Variants in AGBL1 observed in about 807,000 individuals in gnomAD.
AGBL1 encodes AGBL carboxypeptidase 1, also known as cytosolic carboxypeptidase 4.
In AGBL1, 130 loss-of-function variants were observed where a neutral mutation model predicts 118.9. The observed-to-expected ratio is 1.09, with a 90% CI of 0.95 to 1.26. The LOEUF is 1.26. Ranked by LOEUF, AGBL1 falls within the 50% of genes most tolerant of loss-of-function variation. The pLI is 0.00. For synonymous variants in AGBL1, 555 were observed against 478.9 expected (o/e 1.16, Z -2.08); for missense variants, 1,584 against 1,298.1 (o/e 1.22, Z -3.38).
intron 22 of AGBL1, among the ~76,000 whole-genome samples, chr15:86,747,044 G>A (rs1279366990): frequency 2.0e-5 from 3 of 152,060 alleles, no homozygotes; most frequent in Middle Eastern, 6.8e-3. Flanking sequence ...AAGTGAATAG[G>A]GATGATACCA....
chr15:86,314,580 G>C (rs1411586315), intron 17 of AGBL1, among the ~76,000 whole-genome samples: 1 of 152,102 alleles, frequency 6.6e-6, no homozygotes, highest in African/African-American at 2.4e-5. Flanking sequence ...TAGGACCTGG[G>C]CTTAATTTTA....
chr15:86,949,963 A>G (rs975534352), intron 23 of AGBL1, among the ~76,000 whole-genome samples: 1 of 152,116 alleles, frequency 6.6e-6, no homozygotes, highest in African/African-American at 2.4e-5. Context: ...TTCTCTGATT[A>G]CAGTGGAATC....
intron 21 of AGBL1, among the ~76,000 whole-genome samples, chr15:86,597,092 T>A (rs1030979068): frequency 6.6e-6 from 1 of 152,054 alleles, no homozygotes; most frequent in Non-Finnish European, 1.5e-5. Context: ...CATATATCCA[T>A]GATAGATTGA....
At chr15:86,190,221 C>G (rs2077697588) in intron 5 of AGBL1, among the ~76,000 whole-genome samples, 1 of 151,800 alleles carries the variant, frequency 6.6e-6, no homozygotes, top group Non-Finnish European at 1.5e-5. Context: ...TCTTTAATAT[C>G]CAAGAGAATT....
intron 21 of AGBL1, among the ~76,000 whole-genome samples, chr15:86,591,522 T>C (rs1392036991): frequency 1.3e-5 from 2 of 152,182 alleles, no homozygotes; most frequent in African/African-American, 4.8e-5. Flanking sequence ...CTTGCTAAAT[T>C]GGCTCACAGA....
At chr15:86,493,798 A>T (rs1268929399) in intron 18 of AGBL1, among the ~76,000 whole-genome samples, 4 of 152,030 alleles carry the variant, frequency 2.6e-5, no homozygotes, top group African/African-American at 9.7e-5. Context: ...GTCTTCCACG[A>T]AAGAAAGCTT....
intron 21 of AGBL1, among the ~76,000 whole-genome samples, chr15:86,618,947 G>GA (rs2084767279): frequency 6.6e-6 from 1 of 152,050 alleles, no homozygotes. Context: ...TCAGAATGCA[G>GA]AAAAAATGTA....
At chr15:86,621,638 A>G (rs1287613145) in intron 21 of AGBL1, among the ~76,000 whole-genome samples, 4 of 152,216 alleles carry the variant, frequency 2.6e-5, no homozygotes, top group African/African-American at 9.6e-5. Flanking sequence ...ACATCTGAAA[A>G]GACCTTATGT....
chr15:86,392,877 A>C lies in AGBL1; in HGVS notation c.2375-4489A>C, dbSNP rs1213076843. Among the ~76,000 whole-genome samples the C allele has an allele frequency of 2.0e-5, 3 of 152,270 alleles. No homozygotes were observed. In the East Asian group the frequency reaches 5.8e-4, roughly 29 times the overall value. ...GCAAATATCTGGCACTTTTTGCCTG[A>C]CCCTAAGCAGACACGAGTTACTAAG... On this transcript the variant is annotated intron_variant, in intron 17 of 22. Coordinates refer to ENST00000614907, the MANE Select transcript of AGBL1 (RefSeq NM_001386094.1).
chr15:86,699,098 T>C (rs1381857834), intron 22 of AGBL1, among the ~76,000 whole-genome samples: 1 of 152,022 alleles, frequency 6.6e-6, no homozygotes. Flanking sequence ...ATGCCTTTCA[T>C]ATTTTTTTTA....
At chr15:87,007,552 A>C (rs926203046) in intron 24 of AGBL1, among the ~76,000 whole-genome samples, 3 of 152,206 alleles carry the variant, frequency 2.0e-5, no homozygotes, top group Admixed American at 6.5e-5. Flanking sequence ...TCTTGTTCAT[A>C]ATAGACATGA....
intron 22 of AGBL1, among the ~76,000 whole-genome samples, chr15:86,707,194 T>A (rs183932967): frequency 1.1e-3 from 164 of 152,274 alleles, no homozygotes; most frequent in African/African-American, 3.9e-3. Flanking sequence ...TCTCTTCTCA[T>A]AACACTACAT....
At chr15:86,977,001 A>G (rs986369329) in intron 23 of AGBL1, among the ~76,000 whole-genome samples, 2 of 151,780 alleles carry the variant, frequency 1.3e-5, no homozygotes, top group Non-Finnish European at 2.9e-5. Context: ...TTTAATTTTG[A>G]CTCACTGTTT....
At chr15:86,100,441 C>G (rs67595604) in intron 1 of AGBL1, among the ~76,000 whole-genome samples, 48,464 of 151,842 alleles carry the variant, frequency 0.32, 8,018 homozygotes, top group East Asian at 0.41. Context: ...TGAAGCCATC[C>G]AGTCCTGGGT....
intron 1 of AGBL1, among the ~76,000 whole-genome samples, chr15:86,111,480 C>G (rs918373772): frequency 6.6e-6 from 1 of 152,150 alleles, no homozygotes; most frequent in Non-Finnish European, 1.5e-5. Flanking sequence ...GAGTTTTTGG[C>G]TTTCCAAGCA....
chr15:86,223,335 G>C (rs1298938497), intron 5 of AGBL1, among the ~76,000 whole-genome samples: 1 of 152,090 alleles, frequency 6.6e-6, no homozygotes. Context: ...TTCTATTCCT[G>C]TTTCTGTGGT....
chr15:86,157,564 A>T (rs1385459907), intron 4 of AGBL1, among the ~76,000 whole-genome samples: 2 of 152,190 alleles, frequency 1.3e-5, no homozygotes, highest in Non-Finnish European at 2.9e-5. Flanking sequence ...TTCTAAGCCT[A>T]CGTTGATTGT....
intron 18 of AGBL1, among the ~76,000 whole-genome samples, chr15:86,521,122 C>A (rs1271502094): frequency 1.1e-4 from 16 of 152,054 alleles, no homozygotes; most frequent in Admixed American, 1.0e-3. Context: ...AGTGATTAAT[C>A]TGAAGATTTT....
chr15:86,980,921 C>T (rs1325565821), intron 23 of AGBL1, among the ~76,000 whole-genome samples: 4 of 123,742 alleles, frequency 3.2e-5, no homozygotes, highest in Non-Finnish European at 3.2e-5. Flanking sequence ...GAGTCTTGCT[C>T]TGTCACCCAG....
Sources: gnomAD v4.1 joint callset for allele counts (sites outside exome capture counted in the v4.1 genomes callset) on GRCh38, gnomAD v4.1.1 for gene constraint, MANE v1.5 for transcripts, NCBI Gene and HGNC (gene_info 2026-07-23, HGNC 2026-07-21) for gene names.